The following DMD variants were observed in gnomAD, a reference collection of about 807,000 sequenced individuals.
DMD encodes mutant dystrophin.
A neutral mutation model predicts 330.1 loss-of-function variants in DMD; 63 were observed. The observed-to-expected ratio is 0.19, with a 90% CI of 0.16 to 0.24. DMD has a LOEUF of 0.24. DMD is among the 10% of genes least tolerant of loss of function. The pLI is 1.00. For missense variants in DMD, 3,344 were observed against 2,684.1 expected (o/e 1.25, Z -5.43); for synonymous variants, 1,223 against 959.8 (o/e 1.27, Z -5.07).
chrX:31,404,253 T>A (rs1375017341), intron 60 of DMD, among the ~76,000 whole-genome samples: 1 of 111,543 alleles, frequency 9.0e-6, no homozygotes, highest in East Asian at 2.8e-4. Flanking sequence ...TTTTTCATTT[T>A]TATGTGTGAA....
At chrX:32,667,767 G>GTTTTTTTTTTTTTT (rs201162726) in intron 9 of DMD, among the ~76,000 whole-genome samples, 1 of 81,701 alleles carries the variant, frequency 1.2e-5, no homozygotes, top group African/African-American at 5.0e-5. Context: ...CTGCTTTTGT[G>GTTTTTTTTTTTTTT]TTTTTTTTTT....
At chrX:32,685,315 C>T (rs995983113) in intron 9 of DMD, among the ~76,000 whole-genome samples, 1 of 111,396 alleles carries the variant, frequency 9.0e-6, no homozygotes, top group Non-Finnish European at 1.9e-5. Context: ...ATGACTTTTT[C>T]AGGTATTATA....
intron 44 of DMD, among the ~76,000 whole-genome samples, chrX:32,168,118 T>C (rs2096874678): frequency 8.9e-6 from 1 of 112,054 alleles, no homozygotes; most frequent in African/African-American, 3.2e-5. Context: ...AGGATGAGGA[T>C]ATGAAGTACC....
intron 67 of DMD, among the ~76,000 whole-genome samples, chrX:31,198,023 TAAAAAAAAA>T (rs61065027): frequency 1.5e-5 from 1 of 64,926 alleles, no homozygotes. Context: ...GTGTGGGAGC[TAAAAAAAAA>T]AAAAAAAAAA....
intron 1 of DMD, among the ~76,000 whole-genome samples, chrX:33,173,045 C>T (rs1200314891): frequency 9.0e-6 from 1 of 111,373 alleles, no homozygotes; most frequent in African/African-American, 3.3e-5. Context: ...CCTCTTGTCA[C>T]TATTAGTAAA....
chrX:32,851,009 C>G (rs746325274), intron 2 of DMD, among the ~76,000 whole-genome samples: 44 of 111,587 alleles, frequency 3.9e-4, no homozygotes, highest in Non-Finnish European at 1.7e-4. Flanking sequence ...CTCTCACAAG[C>G]CTTGGGATCA....
chrX:31,239,526 T>C (rs1197811385), intron 63 of DMD, among the ~76,000 whole-genome samples: 2 of 111,196 alleles, frequency 1.8e-5, no homozygotes, highest in African/African-American at 6.5e-5. Flanking sequence ...CAAGTGTGTA[T>C]CCCTTCCCTG....
chrX:32,535,114 T>G (rs1313741343), intron 17 of DMD, among the ~76,000 whole-genome samples: 1 of 111,749 alleles, frequency 8.9e-6, no homozygotes, highest in Non-Finnish European at 1.9e-5. Context: ...GTAATATAAT[T>G]TCCACAGTGT....
rs759421095 is a variant in DMD at position 31,627,245 on chromosome X, A to G, written c.8217+428T>C. 2.6e-4 allele frequency among the ~76,000 whole-genome samples: 29 copies of G among 113,199 alleles called. No homozygotes were observed. In the South Asian group the frequency reaches 3.2e-3, roughly 13 times the overall value. On this transcript the variant is annotated intron_variant, in intron 55 of 78. Coordinates refer to ENST00000357033, the MANE Select transcript of DMD (RefSeq NM_004006.3). ...AAATGCCAGATTAACATTTCAAAAC[A>G]TATTTGAAAGTAATGAAGGGAAACT...
At chrX:33,337,550 C>T (rs1479256363) in intron 1 of DMD, among the ~76,000 whole-genome samples, 2 of 111,579 alleles carry the variant, frequency 1.8e-5, no homozygotes, top group African/African-American at 6.5e-5. Flanking sequence ...TTCTTTGCTG[C>T]TAAAATGATA....
intron 43 of DMD, among the ~76,000 whole-genome samples, chrX:32,224,759 C>A (rs1238252352): frequency 9.0e-6 from 1 of 111,326 alleles, no homozygotes; most frequent in Non-Finnish European, 1.9e-5. Flanking sequence ...AGGTTGTGAG[C>A]CTTGTTCTCA....
chrX:31,922,543 G>T (rs1282517183), intron 47 of DMD, among the ~76,000 whole-genome samples: 2 of 102,449 alleles, frequency 2.0e-5, no homozygotes, highest in Admixed American at 1.0e-4. Context: ...CGTGCGCTAG[G>T]GGGGTGCAGA....
exon 1 of DMD, chrX:33,339,350 C>T (rs1231418370): frequency 2.1e-6 from 2 of 949,708 alleles, no homozygotes; most frequent in African/African-American, 4.0e-5. Context: ...CATCTTTCTC[C>T]TGATTCTGTC....
At chrX:32,653,569 T>A (rs909457583) in intron 9 of DMD, among the ~76,000 whole-genome samples, 7 of 111,954 alleles carry the variant, frequency 6.3e-5, no homozygotes, top group African/African-American at 2.3e-4. Context: ...AGCCTTGTAG[T>A]ATAGTTTAAA....
chrX:32,616,912 G>T (rs188864351), intron 11 of DMD, among the ~76,000 whole-genome samples: 1 of 108,569 alleles, frequency 9.2e-6, no homozygotes, highest in African/African-American at 3.3e-5. Context: ...TCTCCACCTT[G>T]TGACTTCTGT....
intron 23 of DMD, among the ~76,000 whole-genome samples, chrX:32,467,632 GTATATA>G (rs5902033): frequency 2.0e-5 from 2 of 100,169 alleles, no homozygotes; most frequent in Admixed American, 1.1e-4. Context: ...CATTATACAC[GTATATA>G]TATATATATA....
chrX:31,798,207 T>C (rs1453461513), intron 50 of DMD, among the ~76,000 whole-genome samples: 1 of 111,662 alleles, frequency 9.0e-6, no homozygotes, highest in Non-Finnish European at 1.9e-5. Context: ...GCTCATACAG[T>C]TTTTGTTCTA....
intron 7 of DMD, among the ~76,000 whole-genome samples, chrX:32,770,590 T>G (rs1234192085): frequency 1.8e-5 from 2 of 111,635 alleles, no homozygotes; most frequent in East Asian, 5.6e-4. Flanking sequence ...CTTTATGAGT[T>G]GCATAAAATT....
chrX:31,954,275 T>C (rs773602334), intron 45 of DMD, among the ~76,000 whole-genome samples: 20 of 111,527 alleles, frequency 1.8e-4, no homozygotes, highest in Non-Finnish European at 3.8e-4. Flanking sequence ...TTACAGAACA[T>C]TCCAGAACTT....
Sources: allele counts gnomAD v4.1 joint callset (sites outside exome capture counted in the v4.1 genomes callset), GRCh38; gene constraint gnomAD v4.1.1; transcripts MANE v1.5; gene names NCBI Gene and HGNC (gene_info 2026-07-23, HGNC 2026-07-21).